PDYN: variants seen among roughly 807,000 people sequenced by gnomAD.
PDYN encodes proenkephalin-B.
PDYN carries 5 observed loss-of-function variants against 11.4 expected under a neutral mutation model. The observed-to-expected ratio is 0.44, with a 90% CI of 0.23 to 0.92. PDYN has a LOEUF of 0.92. Among genes scored for constraint, PDYN ranks in the 40% least tolerant of loss-of-function variants. PDYN has a pLI of 0.24. For synonymous variants in PDYN, 132 were observed against 129.5 expected, an observed-to-expected ratio of 1.02 and a Z score of -0.13; for missense variants, 337 against 317.3, an observed-to-expected ratio of 1.06 and a Z score of -0.47.
chr20:1,988,722 C>T (rs989946916), intron 2 of PDYN, among the ~76,000 whole-genome samples: 3 of 152,212 alleles, frequency 2.0e-5, no homozygotes, highest in African/African-American at 7.2e-5. Flanking sequence ...TTTTTCTCAG[C>T]TGCTACCTCG....
chr20:1,984,184 C>T (rs1446976052), intron 2 of PDYN, among the ~76,000 whole-genome samples: 2 of 152,204 alleles, frequency 1.3e-5, no homozygotes, highest in Non-Finnish European at 2.9e-5. Flanking sequence ...CTCTGTTCCT[C>T]AAATAAGCTT....
At chr20:1,988,495 C>A (rs1988291545) in intron 2 of PDYN, among the ~76,000 whole-genome samples, 1 of 152,164 alleles carries the variant, frequency 6.6e-6, no homozygotes, top group Non-Finnish European at 1.5e-5. Flanking sequence ...GAGAGCCCTG[C>A]CTGCCTATCA....
At position 1,980,228 on chromosome 20, in the gene PDYN, TG is replaced by T; in HGVS notation, c.*94del. 1 of 1,215,804 alleles carries T rather than the reference TG, an allele frequency of 8.2e-7. No homozygotes were observed. Among genetic ancestry groups the T allele is most frequent in the Non-Finnish European group, 1.2e-6 (1 of 820,336 alleles). 75.3% of individuals were successfully genotyped at this position (1,215,804 alleles called of 1,614,324 possible). A position where few individuals can be genotyped will look rare whatever the true frequency, so the allele number is the denominator to read the frequency against. ...TTTGTACACAATGCTGAGCTGAGCA[TG>T]GGGAAGGGGCACATATAAGAGGATG... On this transcript the variant is annotated 3_prime_UTR_variant, in exon 4 of 4. Coordinates refer to ENST00000217305, the MANE Select transcript of PDYN (RefSeq NM_024411.5).
intron 2 of PDYN, among the ~76,000 whole-genome samples, chr20:1,991,559 A>G (rs1277285047): frequency 6.6e-6 from 1 of 152,226 alleles, no homozygotes; most frequent in Non-Finnish European, 1.5e-5. Flanking sequence ...GCCGATGTTC[A>G]CTGCCTACCA....
At position 1,979,831 on chromosome 20, in the gene PDYN, GTA is replaced by G. The variant is rs1987609011; in HGVS notation, c.*490_*491del. 1 of 173,258 alleles carries G rather than the reference GTA, an allele frequency of 5.8e-6. No individual in the cohort carries two copies. Among genetic ancestry groups the G allele is most frequent in the Non-Finnish European group, 1.3e-5 (1 of 79,054 alleles). The allele number at this position is 173,258 out of a possible 1,614,324, so 10.7% of individuals were successfully genotyped here. On this transcript the variant is annotated 3_prime_UTR_variant, in exon 4 of 4. Transcript: ENST00000217305. Reference sequence around the variant, plus strand: ...GGGAATATAATGTTAGGATTTCTGTGTATGATTATTTACCTTCTTTTAAAGTT... The same window carrying G: ...GGGAATATAATGTTAGGATTTCTGTGTGATTATTTACCTTCTTTTAAAGTT...
In PDYN at chr20:1,992,628, C is replaced by T. The variant is rs1298601774; in HGVS notation, c.-64G>A. The T allele has an allele frequency of 6.6e-6, 1 of 152,144 alleles. No homozygotes were observed. The highest frequency in any genetic ancestry group is 1.5e-5 in the Non-Finnish European group (1 of 68,064). The allele number at this position is 152,144 out of a possible 1,614,324, so 9.4% of individuals were successfully genotyped here. A position where few individuals can be genotyped will look rare whatever the true frequency, so the allele number is the denominator to read the frequency against. ...AGCTCCCCCCACGCAGATCTCAAAGCCTGAAGATAAATGACCTGCAAAAAT... is the reference window on the plus strand; with the variant it reads ...AGCTCCCCCCACGCAGATCTCAAAGTCTGAAGATAAATGACCTGCAAAAAT... On this transcript the variant is annotated 5_prime_UTR_variant, in exon 2 of 4. Coordinates refer to ENST00000217305, the MANE Select transcript of PDYN (RefSeq NM_024411.5).
intron 2 of PDYN, among the ~76,000 whole-genome samples, chr20:1,986,898 T>C (rs1988212048): frequency 6.6e-6 from 1 of 152,262 alleles, no homozygotes; most frequent in African/African-American, 2.4e-5. Context: ...CACTTTGACC[T>C]GGCTAATTCT....
intron 2 of PDYN, among the ~76,000 whole-genome samples, chr20:1,987,064 G>A (rs8117349): frequency 0.052 from 7,966 of 152,208 alleles, 735 homozygotes; most frequent in African/African-American, 0.18. Context: ...GGGTCGCTGA[G>A]GTGCGAGTGT....
At chr20:1,982,891 C>T in intron 3 of PDYN, 65 bp downstream of exon 3, 2 of 1,576,092 alleles carry the variant, frequency 1.3e-6, no homozygotes, top group Non-Finnish European at 1.7e-6. Flanking sequence ...TGCAACCTCC[C>T]CTCTCTGGGC....
chr20:1,982,299 A>AAT (rs1987868746), intron 3 of PDYN, among the ~76,000 whole-genome samples: 1 of 152,168 alleles, frequency 6.6e-6, no homozygotes, highest in Non-Finnish European at 1.5e-5. Flanking sequence ...TCACTATCTC[A>AAT]TGGAATCACC....
intron 2 of PDYN, among the ~76,000 whole-genome samples, chr20:1,987,436 A>G (rs565080130): frequency 3.9e-4 from 59 of 152,348 alleles, no homozygotes; most frequent in Non-Finnish European, 7.1e-4. Context: ...GCCTGGGGAC[A>G]TTGAGCCTGT....
intron 2 of PDYN, among the ~76,000 whole-genome samples, chr20:1,985,288 G>A (rs145523962): frequency 7.9e-5 from 12 of 152,108 alleles, no homozygotes; most frequent in Admixed American, 1.3e-4. Context: ...GATCCCAGCC[G>A]CCATTTATCA....
In PDYN at chr20:1,980,812, G is replaced by T; in HGVS notation, c.276C>A (p.Tyr92Ter). Residue 92 changes from tyrosine to a stop codon, truncating the protein, a stop_gained, in exon 4 of 4, where the codon TAC becomes TAA. Transcript: ENST00000217305. LOFTEE classifies it low-confidence loss of function (END_TRUNC). The part of the protein sequence containing the change: ...LGSKSVGEGP[Y>*]SELAKLSGSF... ...ACCCAGAGAGCTTGGCCAGCTCACT[G>T]TAGGGCCCTTCCCCAACCGACTTGC... 6.2e-7 allele frequency: 1 copy of T among 1,614,198 alleles called. No individual in the cohort carries two copies. The highest frequency in any genetic ancestry group is 8.5e-7 in the Non-Finnish European group (1 of 1,180,030).
At chr20:1,981,506 T>C (rs1387415351) in intron 3 of PDYN, among the ~76,000 whole-genome samples, 1 of 152,138 alleles carries the variant, frequency 6.6e-6, no homozygotes, top group African/African-American at 2.4e-5. Context: ...GCAAAGAATA[T>C]GGAACTTGAA....
chr20:1,980,125 C>T lies in PDYN; in HGVS notation c.*198G>A, dbSNP rs533019598. 8 of 661,856 alleles carry T rather than the reference C, an allele frequency of 1.2e-5. No homozygotes were observed. Among genetic ancestry groups the T allele is most frequent in the South Asian group, 1.0e-4 (6 of 57,920 alleles). The allele number at this position is 661,856 out of a possible 1,614,324, so 41.0% of individuals were successfully genotyped here. ...CACTAAGCCTATTGTGGGGAAGGGA[C>T]ATCCACCCTTCCCCATCACAGACCC... On this transcript the variant is annotated 3_prime_UTR_variant, in exon 4 of 4. Coordinates refer to ENST00000217305, the MANE Select transcript of PDYN (RefSeq NM_024411.5).
At chr20:1,988,332 C>T (rs909790750) in intron 2 of PDYN, among the ~76,000 whole-genome samples, 5 of 152,208 alleles carry the variant, frequency 3.3e-5, no homozygotes, top group Admixed American at 6.5e-5. Context: ...AGTAGAGACA[C>T]ATTGGCCCTC....
rs1987722584 is a variant in PDYN at position 1,980,838 on chromosome 20, T to C, written c.250A>G (p.Ser84Gly). Residue 84 changes from serine to glycine, a missense_variant, in exon 4 of 4, where the codon AGC (serine) becomes GGC (glycine). Physicochemically the swap from Ser to Gly is moderately conservative, Grantham distance 56. Transcript: ENST00000217305. ...TAGGGCCCTTCCCCAACCGACTTGC[T>C]CCCCAAGTCCTCCTTGTCATTGAGC... is the stretch of plus-strand genomic sequence containing the variant. ...LGLNDKEDLGSKSVGEGPYSE... is the reference protein window; with the variant it reads ...LGLNDKEDLGGKSVGEGPYSE... The C allele has an allele frequency of 4.3e-6, 7 of 1,614,136 alleles. No homozygotes were observed. Among genetic ancestry groups the C allele is most frequent in the Non-Finnish European group, 5.1e-6 (6 of 1,180,014 alleles).
chr20:1,983,492 G>A (rs1461473619), intron 2 of PDYN, among the ~76,000 whole-genome samples: 1 of 152,196 alleles, frequency 6.6e-6, no homozygotes, highest in Non-Finnish European at 1.5e-5. Context: ...ACCCACTTTG[G>A]CCACCCGCCA....
At chr20:1,987,248 GATGAATGA>G (rs3039804) in intron 2 of PDYN, among the ~76,000 whole-genome samples, 8,446 of 151,466 alleles carry the variant, frequency 0.056, 740 homozygotes, top group African/African-American at 0.19. Flanking sequence ...TTGAGTGATT[GATGAATGA>G]ATGAATGAAT....
Sources: gnomAD v4.1 joint callset for allele counts (sites outside exome capture counted in the v4.1 genomes callset) on GRCh38, gnomAD v4.1.1 for gene constraint, MANE v1.5 for transcripts, NCBI Gene and HGNC (gene_info 2026-07-23, HGNC 2026-07-21) for gene names.